ADGRA1: variants seen among roughly 807,000 people sequenced by gnomAD.
The protein encoded by ADGRA1 is adhesion G protein-coupled receptor A1, also known as G-protein coupled receptor 123.
In ADGRA1, 12 loss-of-function variants were observed where a neutral mutation model predicts 21.3. The ratio of observed to expected loss-of-function variants is 0.56; its 90% confidence interval spans 0.36 to 0.91. The LOEUF (loss-of-function observed/expected upper bound fraction) is 0.91. Among genes scored for constraint, ADGRA1 ranks in the 40% least tolerant of loss-of-function variants. The pLI, the probability that ADGRA1 is intolerant of heterozygous loss-of-function variation, is 0.01. For missense variants in ADGRA1, 790 were observed against 805.6 expected, an observed-to-expected ratio of 0.98 and a Z score of 0.23; for synonymous variants, 385 against 368.8, an observed-to-expected ratio of 1.04 and a Z score of -0.50.
At position 133,131,458 on chromosome 10, in the gene ADGRA1, C is replaced by G. The variant is rs1852525008; in HGVS notation, c.*1947C>G. 6.6e-6 allele frequency: 1 copy of G among 152,322 alleles called. No individual in the cohort carries two copies. The highest frequency in any genetic ancestry group is 2.1e-4 in the South Asian group (1 of 4,834). 9.4% of individuals were successfully genotyped at this position (152,322 alleles called of 1,614,324 possible). A position where few individuals can be genotyped will look rare whatever the true frequency, so the allele number is the denominator to read the frequency against. On this transcript the variant is annotated 3_prime_UTR_variant, in exon 7 of 7. Transcript: ENST00000392607. ...CTTTGTGAGGCTGGTTAATAGCATC[C>G]CCGTGTGTTTTTCTCACCCTCGATG... is the stretch of plus-strand genomic sequence containing the variant.
chr10:133,107,942 A>G (rs111919073), intron 5 of ADGRA1, among the ~76,000 whole-genome samples: 1 of 152,158 alleles, frequency 6.6e-6, no homozygotes, highest in African/African-American at 2.4e-5. Flanking sequence ...ATGATGAAAA[A>G]CATTTTTTCA....
intron 5 of ADGRA1, among the ~76,000 whole-genome samples, chr10:133,114,312 G>T (rs1852116208): frequency 6.6e-6 from 1 of 152,200 alleles, no homozygotes; most frequent in Non-Finnish European, 1.5e-5. Context: ...CTGGAACATA[G>T]GTGCTCTTCA....
intron 5 of ADGRA1, among the ~76,000 whole-genome samples, chr10:133,109,767 C>T (rs949593004): frequency 5.3e-5 from 8 of 152,326 alleles, no homozygotes; most frequent in Middle Eastern, 3.4e-3. Context: ...AAGAGACAAA[C>T]GGCAGGGATG....
chr10:133,093,901 T>G (rs1269393291), intron 2 of ADGRA1, among the ~76,000 whole-genome samples: 4 of 152,282 alleles, frequency 2.6e-5, no homozygotes, highest in Admixed American at 2.6e-4. Context: ...TGACCCACTT[T>G]GAGTTTTAAA....
Position 133,111,983 on chromosome 10 carries a change from C to G in ADGRA1, c.401+9141C>G, listed in dbSNP as rs1852035187. ...GACCACCTGCCCACCACAGGCACCT[C>G]CCTCCTAATGCCTCCAGACCACCTG... On this transcript the variant is annotated intron_variant, in intron 5 of 6. Coordinates refer to ENST00000392607, the MANE Select transcript of ADGRA1 (RefSeq NM_001083909.3). Among the ~76,000 whole-genome samples the G allele has an allele frequency of 1.9e-5, 2 of 104,104 alleles. 1 individual carries two copies. Among genetic ancestry groups the G allele is most frequent in the African/African-American group, 7.3e-5 (2 of 27,346 alleles). 68.3% of individuals were successfully genotyped at this position (104,104 alleles called of 152,430 possible). A position where few individuals can be genotyped will look rare whatever the true frequency, so the allele number is the denominator to read the frequency against.
At chr10:133,095,317 C>T (rs1366140816) in intron 2 of ADGRA1, among the ~76,000 whole-genome samples, 1 of 152,204 alleles carries the variant, frequency 6.6e-6, no homozygotes, top group African/African-American at 2.4e-5. Context: ...GGCCCTGACT[C>T]CCCCGAAAAC....
chr10:133,104,423 G>A (rs925686089), intron 5 of ADGRA1, among the ~76,000 whole-genome samples: 2 of 152,212 alleles, frequency 1.3e-5, no homozygotes, highest in Non-Finnish European at 2.9e-5. Context: ...ACACCCCGGC[G>A]CTCTTCCATC....
chr10:133,089,874 G>A (rs897466706), intron 2 of ADGRA1, among the ~76,000 whole-genome samples: 5 of 152,222 alleles, frequency 3.3e-5, no homozygotes, highest in African/African-American at 1.2e-4. Context: ...CACCTGACAA[G>A]GTTGCGTCTC....
intron 5 of ADGRA1, among the ~76,000 whole-genome samples, chr10:133,116,686 G>T (rs1226981816): frequency 1.3e-5 from 2 of 152,090 alleles, no homozygotes; most frequent in Non-Finnish European, 2.9e-5. Flanking sequence ...CTTCCTCAGT[G>T]GTGGGGATGC....
intron 2 of ADGRA1, among the ~76,000 whole-genome samples, chr10:133,094,613 A>G (rs886659211): frequency 6.6e-6 from 1 of 152,172 alleles, no homozygotes; most frequent in Admixed American, 6.5e-5. Context: ...CAGGCGACTC[A>G]CTGAGGAAAT....
intron 5 of ADGRA1, among the ~76,000 whole-genome samples, chr10:133,119,791 T>C (rs566611458): frequency 3.9e-5 from 6 of 152,370 alleles, no homozygotes; most frequent in East Asian, 1.9e-4. Context: ...TTGAAAAGAA[T>C]CTTTCTGAGC....
intron 1 of ADGRA1, 93 bp downstream of exon 1, chr10:133,088,231 A>T: frequency 2.1e-6 from 1 of 485,834 alleles, no homozygotes; most frequent in Non-Finnish European, 2.7e-6. Flanking sequence ...ACTGGCCGCG[A>T]GGAAAGCAGC....
chr10:133,102,121 G>A lies in ADGRA1; in HGVS notation c.256-576G>A, dbSNP rs536270797. On this transcript the variant is annotated intron_variant, in intron 4 of 6. Coordinates refer to ENST00000392607, the MANE Select transcript of ADGRA1 (RefSeq NM_001083909.3). ...TAAGCAAACGCAGGAAGTTTCCATA[G>A]CAATGAGGAACGGCGACCTGCAGGG... 7.7e-4 allele frequency: 334 copies of A among 433,178 alleles called. 4 individuals are homozygous for A. The highest frequency in any genetic ancestry group is 6.3e-3 in the African/African-American group (314 of 49,682). The allele number at this position is 433,178 out of a possible 1,614,324, so 26.8% of individuals were successfully genotyped here. A position where few individuals can be genotyped will look rare whatever the true frequency, so the allele number is the denominator to read the frequency against.
chr10:133,090,429 GCTCA>G (rs1307969838), intron 2 of ADGRA1, among the ~76,000 whole-genome samples: 1 of 152,186 alleles, frequency 6.6e-6, no homozygotes, highest in African/African-American at 2.4e-5. Context: ...CATTTCAGCA[GCTCA>G]CTGTTTTTAT....
In ADGRA1 at chr10:133,129,724, A is replaced by ACACCCCTGCCCCCTTCCTTGTGATC; in HGVS notation, c.*213_*214insCACCCCTGCCCCCTTCCTTGTGATC. On this transcript the variant is annotated 3_prime_UTR_variant, in exon 7 of 7. Coordinates refer to ENST00000392607, the MANE Select transcript of ADGRA1 (RefSeq NM_001083909.3). The stretch of plus-strand genomic sequence containing the variant: ...TCACACCCCTGCCCCTTCCTTGTGA[A>ACACCCCTGCCCCCTTCCTTGTGATC]AGACCTCAGCGGGGAAACGCTCCGG... 1 of 365,268 alleles carries ACACCCCTGCCCCCTTCCTTGTGATC rather than the reference A, an allele frequency of 2.7e-6. No individual in the cohort carries two copies. Among genetic ancestry groups the ACACCCCTGCCCCCTTCCTTGTGATC allele is most frequent in the Non-Finnish European group, 5.0e-6 (1 of 200,460 alleles). 22.6% of individuals were successfully genotyped at this position (365,268 alleles called of 1,614,324 possible).
At chr10:133,124,325 C>T (rs1237735443) in intron 5 of ADGRA1, among the ~76,000 whole-genome samples, 1 of 152,226 alleles carries the variant, frequency 6.6e-6, no homozygotes, top group African/African-American at 2.4e-5. Flanking sequence ...TGCCGTGAGT[C>T]AGCTCCCGCT....
At chr10:133,123,933 G>C (rs1852325953) in intron 5 of ADGRA1, among the ~76,000 whole-genome samples, 1 of 152,206 alleles carries the variant, frequency 6.6e-6, no homozygotes, top group Non-Finnish European at 1.5e-5. Context: ...GGTCCCTCTT[G>C]ACGCGTGAGG....
intron 5 of ADGRA1, among the ~76,000 whole-genome samples, chr10:133,124,883 T>A (rs1300858363): frequency 6.6e-6 from 1 of 152,170 alleles, no homozygotes. Context: ...CGGCGGTGAC[T>A]GCCCAGCGGC....
chr10:133,108,566 G>C (rs1388088504), intron 5 of ADGRA1, among the ~76,000 whole-genome samples: 1 of 152,076 alleles, frequency 6.6e-6, no homozygotes, highest in Non-Finnish European at 1.5e-5. Context: ...TGCCTCCTTG[G>C]ATTCAGGCAC....
Sources: allele counts gnomAD v4.1 joint callset (sites outside exome capture counted in the v4.1 genomes callset), GRCh38; gene constraint gnomAD v4.1.1; transcripts MANE v1.5; gene names NCBI Gene and HGNC (gene_info 2026-07-23, HGNC 2026-07-21).